JAKMIP2: variants seen among roughly 807,000 people sequenced by gnomAD.
JAKMIP2 encodes janus kinase and microtubule-interacting protein 2.
In JAKMIP2, 25 loss-of-function variants were observed where a neutral mutation model predicts 115.0. The observed-to-expected ratio is 0.22, with a 90% CI of 0.16 to 0.30. JAKMIP2 has a LOEUF of 0.30. Among genes scored for constraint, JAKMIP2 ranks in the 10% least tolerant of loss-of-function variants. The pLI is 1.00. For synonymous variants in JAKMIP2, 334 were observed against 343.6 expected (o/e 0.97, Z 0.31); for missense variants, 642 against 957.6 (o/e 0.67, Z 4.35).
Position 147,601,701 on chromosome 5 carries a change from C to T in JAKMIP2, c.*20+40G>A, listed in dbSNP as rs1755710720. ...TAGGTAACATCCTTTTTATCAAATACCTCTTAGAACCACATTTTGAGAATT... is the reference window on the plus strand; with the variant it reads ...TAGGTAACATCCTTTTTATCAAATATCTCTTAGAACCACATTTTGAGAATT... On this transcript the variant is annotated intron_variant, in intron 21 of 21. Transcript: ENST00000616793. 3.6e-6 allele frequency: 5 copies of T among 1,396,432 alleles called. No individual in the cohort carries two copies. The South Asian group carries it at 4.2e-5, about 12-fold the overall frequency. The allele number at this position is 1,396,432 out of a possible 1,614,324, so 86.5% of individuals were successfully genotyped here.
intron 1 of JAKMIP2, among the ~76,000 whole-genome samples, chr5:147,708,565 C>T (rs189784990): frequency 2.6e-5 from 4 of 152,042 alleles, no homozygotes; most frequent in Non-Finnish European, 5.9e-5. Flanking sequence ...AGTTCTGTAA[C>T]CTTGTTATTT....
rs182411683 is a variant in JAKMIP2, at chr5:147,591,525, T to C, written c.*182A>G. On this transcript the variant is annotated 3_prime_UTR_variant, in exon 22 of 22. Transcript: ENST00000616793. ...ACAGGGTTGTGTAGGAACTGTCAAG[T>C]AAGAAACCTTGAATAATGGCTTTAA... 2.0e-3 allele frequency: 1,465 copies of C among 721,000 alleles called. 4 individuals are homozygous for C. The highest frequency in any genetic ancestry group is 2.1e-3 in the Non-Finnish European group (844 of 408,600). 44.7% of individuals were successfully genotyped at this position (721,000 alleles called of 1,614,324 possible).
intron 1 of JAKMIP2, among the ~76,000 whole-genome samples, chr5:147,727,039 C>T (rs1753547853): frequency 6.6e-6 from 1 of 152,216 alleles, no homozygotes; most frequent in Admixed American, 6.5e-5. Flanking sequence ...CAATTCCCAG[C>T]TTAGGGAATG....
intron 1 of JAKMIP2, among the ~76,000 whole-genome samples, chr5:147,704,818 T>C (rs1752503496): frequency 6.6e-6 from 1 of 152,142 alleles, no homozygotes; most frequent in South Asian, 2.1e-4. Context: ...ATGGTGGAGT[T>C]AGGAAGAAGC....
At chr5:147,721,526 G>A (rs1310696231) in intron 1 of JAKMIP2, among the ~76,000 whole-genome samples, 14 of 152,296 alleles carry the variant, frequency 9.2e-5, no homozygotes, top group South Asian at 2.1e-4. Context: ...GACCCTCCGA[G>A]CCAGGTGCGG....
intron 1 of JAKMIP2, among the ~76,000 whole-genome samples, chr5:147,770,619 A>C (rs1314382214): frequency 6.6e-6 from 1 of 152,110 alleles, no homozygotes; most frequent in Non-Finnish European, 1.5e-5. Context: ...TAAATTCTGA[A>C]ATATGTACTG....
chr5:147,607,728 G>C lies in JAKMIP2; in HGVS notation c.2412+4578C>G, dbSNP rs555160845. Among the ~76,000 whole-genome samples, 4 of 152,180 alleles carry C rather than the reference G, an allele frequency of 2.6e-5. No individual in the cohort carries two copies. The East Asian group carries it at 7.7e-4, about 29-fold the overall frequency. On this transcript the variant is annotated intron_variant, in intron 20 of 21. Transcript: ENST00000616793. ...AGAAGTCCCTTTTTTTCTATTGTTT[G>C]GAATAGTTTCAGAATGAATGGTACC...
intron 1 of JAKMIP2, among the ~76,000 whole-genome samples, chr5:147,705,933 A>G (rs1227814946): frequency 6.6e-6 from 1 of 152,250 alleles, no homozygotes; most frequent in Non-Finnish European, 1.5e-5. Context: ...AGCTTTCTGC[A>G]GAGTAATCTG....
At chr5:147,624,114 C>G (rs182464752) in intron 16 of JAKMIP2, among the ~76,000 whole-genome samples, 74 of 152,174 alleles carry the variant, frequency 4.9e-4, no homozygotes, top group African/African-American at 1.8e-3. Flanking sequence ...ATTATAGGTG[C>G]GAGCCACCGT....
chr5:147,670,854 G>T (rs1292519067), intron 2 of JAKMIP2, among the ~76,000 whole-genome samples: 2 of 152,138 alleles, frequency 1.3e-5, no homozygotes, highest in East Asian at 1.9e-4. Flanking sequence ...TATTATTTAG[G>T]CTCTAGGGAC....
At chr5:147,694,860 G>T (rs577716889) in intron 1 of JAKMIP2, among the ~76,000 whole-genome samples, 12 of 152,290 alleles carry the variant, frequency 7.9e-5, no homozygotes, top group African/African-American at 2.9e-4. Flanking sequence ...TAAATTTTAA[G>T]TCTGTTGTAC....
chr5:147,676,765 G>T (rs2126820612), intron 1 of JAKMIP2, among the ~76,000 whole-genome samples: 1 of 152,316 alleles, frequency 6.6e-6, no homozygotes, highest in South Asian at 2.1e-4. Context: ...TTTGCATTTT[G>T]AAGATCATTG....
intron 1 of JAKMIP2, among the ~76,000 whole-genome samples, chr5:147,762,725 T>G (rs1481357976): frequency 6.6e-6 from 1 of 152,126 alleles, no homozygotes; most frequent in Non-Finnish European, 1.5e-5. Context: ...CATATGAATT[T>G]GGGGGTAAAG....
chr5:147,646,319 A>G (rs1455369819), intron 5 of JAKMIP2, among the ~76,000 whole-genome samples: 1 of 152,216 alleles, frequency 6.6e-6, no homozygotes, highest in Non-Finnish European at 1.5e-5. Flanking sequence ...TGAAGCATTA[A>G]TGCCTTAGTC....
chr5:147,603,425 G>T (rs900072969), intron 20 of JAKMIP2, among the ~76,000 whole-genome samples: 2 of 152,272 alleles, frequency 1.3e-5, no homozygotes, highest in African/African-American at 2.4e-5. Flanking sequence ...TAGGTTTGTT[G>T]TTACCAACTG....
chr5:147,759,014 T>G (rs1161205697), intron 1 of JAKMIP2, among the ~76,000 whole-genome samples: 3 of 152,074 alleles, frequency 2.0e-5, no homozygotes, highest in Admixed American at 6.6e-5. Context: ...TTTTTGATGA[T>G]AAAGACTTTA....
rs146655690 is a variant in JAKMIP2 at position 147,727,563 on chromosome 5, G to A, written c.-149+54893C>T. Among the ~76,000 whole-genome samples the A allele has an allele frequency of 4.6e-5, 7 of 152,232 alleles. No individual in the cohort carries two copies. The East Asian group carries it at 5.8e-4, about 13-fold the overall frequency. ...GCATCAGATCTTGTGAGAACTTACC[G>A]TCATGAGAACAGCATGATCCAATCA... On this transcript the variant is annotated intron_variant, in intron 1 of 21. Transcript: ENST00000616793.
intron 3 of JAKMIP2, among the ~76,000 whole-genome samples, chr5:147,656,611 C>G (rs1758689902): frequency 6.6e-6 from 1 of 152,198 alleles, no homozygotes; most frequent in African/African-American, 2.4e-5. Context: ...CTGAATACAG[C>G]ACGCTGATGG....
At chr5:147,644,823 C>A (rs762119411) in intron 6 of JAKMIP2, 27 bp downstream of exon 6, 1 of 1,589,648 alleles carries the variant, frequency 6.3e-7, no homozygotes, top group Non-Finnish European at 8.6e-7. Context: ...AAGGAAGCTG[C>A]AGTTTTGCAG....
Sources: allele counts gnomAD v4.1 joint callset (sites outside exome capture counted in the v4.1 genomes callset), GRCh38; gene constraint gnomAD v4.1.1; transcripts MANE v1.5; gene names NCBI Gene and HGNC (gene_info 2026-07-23, HGNC 2026-07-21).